GLP2R: variants seen among roughly 807,000 people sequenced by gnomAD.
GLP2R encodes glucagon like peptide 2 receptor.
In GLP2R, 59 loss-of-function variants were observed where a neutral mutation model predicts 68.2. The observed-to-expected ratio is 0.87, with a 90% CI of 0.70 to 1.07. The LOEUF is 1.07. Among genes scored for constraint, GLP2R ranks in the 50% least tolerant of loss-of-function variants. The pLI is 0.00. For missense variants in GLP2R, 548 were observed against 677.4 expected (o/e 0.81, Z 2.12); for synonymous variants, 270 against 265.4 (o/e 1.02, Z -0.17).
chr17:9,828,911 G>A (rs1389542040), intron 1 of GLP2R, among the ~76,000 whole-genome samples: 1 of 152,144 alleles, frequency 6.6e-6, no homozygotes, highest in Non-Finnish European at 1.5e-5. Context: ...ATTTCTGGCT[G>A]TCTGTCCTCC....
At chr17:9,857,968 C>T (rs1219532234) in intron 6 of GLP2R, among the ~76,000 whole-genome samples, 1 of 152,244 alleles carries the variant, frequency 6.6e-6, no homozygotes, top group Non-Finnish European at 1.5e-5. Flanking sequence ...CTGACCTGAA[C>T]ATGTACAGAC....
At chr17:9,870,236 G>A (rs2067079877) in intron 9 of GLP2R, among the ~76,000 whole-genome samples, 1 of 152,148 alleles carries the variant, frequency 6.6e-6, no homozygotes, top group African/African-American at 2.4e-5. Flanking sequence ...TTTTCTCATT[G>A]TTTTATGAGG....
intron 9 of GLP2R, among the ~76,000 whole-genome samples, chr17:9,864,336 G>C (rs1218300809): frequency 3.3e-5 from 5 of 152,156 alleles, no homozygotes; most frequent in Admixed American, 3.3e-4. Context: ...CCAGGTTTTG[G>C]ATGAACATTA....
In GLP2R at chr17:9,890,052, C is replaced by T. The variant is rs1345870406; in HGVS notation, c.*347C>T. ...AGCCAGCCAATATCTCTTCCTTTAT[C>T]CCTTGGGGTGCATGCTTTCCATCTG... On this transcript the variant is annotated 3_prime_UTR_variant, in exon 13 of 13. Coordinates refer to ENST00000262441, the MANE Select transcript of GLP2R (RefSeq NM_004246.3). The T allele has an allele frequency of 4.3e-6, 2 of 467,640 alleles. No individual in the cohort carries two copies. The highest frequency in any genetic ancestry group is 4.7e-5 in the Admixed American group (2 of 42,854). The allele number at this position is 467,640 out of a possible 1,614,324, so 29.0% of individuals were successfully genotyped here.
intron 4 of GLP2R, among the ~76,000 whole-genome samples, chr17:9,846,376 G>A (rs1395306911): frequency 6.6e-6 from 1 of 152,202 alleles, no homozygotes. Flanking sequence ...AGCGCTTTGG[G>A]AAGCTGAAGT....
At chr17:9,883,064 G>T (rs2067211805) in intron 11 of GLP2R, among the ~76,000 whole-genome samples, 1 of 149,460 alleles carries the variant, frequency 6.7e-6, no homozygotes, top group Non-Finnish European at 1.5e-5. Context: ...GGACTTATCA[G>T]ACAAAGACTT....
At chr17:9,878,235 C>T (rs1334407973) in intron 10 of GLP2R, among the ~76,000 whole-genome samples, 2 of 152,166 alleles carry the variant, frequency 1.3e-5, no homozygotes, top group Admixed American at 6.5e-5. Context: ...GATTGCCATG[C>T]AAGAATTTGA....
chr17:9,836,277 C>A, intron 2 of GLP2R, 94 bp from the exon 3 acceptor site: 1 of 807,822 alleles, frequency 1.2e-6, no homozygotes. Flanking sequence ...GCTTCCAGTG[C>A]CAGGAAGGTG....
rs1363760708 is a variant in GLP2R, at chr17:9,833,968, A to G, written c.277+74A>G. On this transcript the variant is annotated intron_variant, in intron 2 of 12. Coordinates refer to ENST00000262441, the MANE Select transcript of GLP2R (RefSeq NM_004246.3). Reference sequence around the variant, plus strand: ...AGCTTAGCGGCTCAAAACAATAACTAGTCACTTATTACTTCTCATAGTTTC... The same window carrying G: ...AGCTTAGCGGCTCAAAACAATAACTGGTCACTTATTACTTCTCATAGTTTC... The G allele has an allele frequency of 7.8e-6, 7 of 897,912 alleles. No homozygotes were observed. The East Asian group carries it at 1.5e-4, about 19-fold the overall frequency. 55.6% of individuals were successfully genotyped at this position (897,912 alleles called of 1,614,324 possible).
intron 9 of GLP2R, among the ~76,000 whole-genome samples, chr17:9,867,520 C>T (rs1395260751): frequency 6.6e-6 from 1 of 152,318 alleles, no homozygotes; most frequent in Middle Eastern, 3.4e-3. Flanking sequence ...TATAAGACTT[C>T]ACTACTTCAC....
Position 9,857,293 on chromosome 17 carries a change from C to A in GLP2R, c.612-130C>A, listed in dbSNP as rs2066942655. ...AGAGATTTACGGTCACATAATCCAG[C>A]AGTCCAGCTCTGCAGCCTATACTAT... On this transcript the variant is annotated intron_variant, in intron 5 of 12. Coordinates refer to ENST00000262441, the MANE Select transcript of GLP2R (RefSeq NM_004246.3). 16 of 735,992 alleles carry A rather than the reference C, an allele frequency of 2.2e-5. No individual in the cohort carries two copies. In the South Asian group the frequency reaches 3.0e-4, roughly 14 times the overall value. 45.6% of individuals were successfully genotyped at this position (735,992 alleles called of 1,614,324 possible). A position where few individuals can be genotyped will look rare whatever the true frequency, so the allele number is the denominator to read the frequency against.
At chr17:9,847,374 AT>A (rs2066849493) in intron 4 of GLP2R, among the ~76,000 whole-genome samples, 1 of 151,802 alleles carries the variant, frequency 6.6e-6, no homozygotes, top group African/African-American at 2.4e-5. Flanking sequence ...GTTTCAAGCG[AT>A]TCTTCTGCCT....
At chr17:9,831,661 TG>T (rs753638740) in intron 1 of GLP2R, among the ~76,000 whole-genome samples, 1 of 152,166 alleles carries the variant, frequency 6.6e-6, no homozygotes, top group Non-Finnish European at 1.5e-5. Flanking sequence ...GGGACAAGGA[TG>T]GCTGAGATGC....
intron 9 of GLP2R, among the ~76,000 whole-genome samples, chr17:9,865,548 C>T (rs1343185811): frequency 6.6e-6 from 1 of 152,138 alleles, no homozygotes; most frequent in Non-Finnish European, 1.5e-5. Context: ...CAGAATTGCC[C>T]GATGCTCTAC....
chr17:9,844,913 A>T (rs2066823616), intron 4 of GLP2R, among the ~76,000 whole-genome samples: 2 of 149,914 alleles, frequency 1.3e-5, no homozygotes, highest in African/African-American at 2.5e-5. Flanking sequence ...CTGGTCTCGA[A>T]CTCCTGACCT....
intron 4 of GLP2R, among the ~76,000 whole-genome samples, chr17:9,849,358 C>T (rs1339401838): frequency 2.0e-5 from 3 of 151,934 alleles, no homozygotes; most frequent in African/African-American, 7.2e-5. Flanking sequence ...AGATTAAGGA[C>T]ATCATTCTAC....
chr17:9,888,257 C>T (rs1326683593), intron 12 of GLP2R, among the ~76,000 whole-genome samples: 1 of 152,162 alleles, frequency 6.6e-6, no homozygotes, highest in East Asian at 1.9e-4. Flanking sequence ...CAAGCTTGAA[C>T]CTCAGAGTCC....
At chr17:9,851,014 A>G (rs2066886753) in intron 4 of GLP2R, among the ~76,000 whole-genome samples, 1 of 151,828 alleles carries the variant, frequency 6.6e-6, no homozygotes, top group African/African-American at 2.4e-5. Flanking sequence ...TTCACTTTCT[A>G]TGCAAGCTGC....
chr17:9,832,535 C>G (rs1204506145), intron 1 of GLP2R, among the ~76,000 whole-genome samples: 1 of 152,122 alleles, frequency 6.6e-6, no homozygotes, highest in Non-Finnish European at 1.5e-5. Flanking sequence ...GCACTCCAGC[C>G]TGGGTGACAG....
Sources: allele counts gnomAD v4.1 joint callset (sites outside exome capture counted in the v4.1 genomes callset), GRCh38; gene constraint gnomAD v4.1.1; transcripts MANE v1.5; gene names NCBI Gene and HGNC (gene_info 2026-07-23, HGNC 2026-07-21).